Variants in CCDC73 observed in about 807,000 individuals in gnomAD.
CCDC73 encodes coiled-coil domain containing 73, also known as coiled-coil domain-containing protein 73.
Under a neutral mutation model 116.5 loss-of-function variants are expected in CCDC73, and 95 were observed. The observed-to-expected ratio is 0.82, with a 90% CI of 0.69 to 0.97. The LOEUF (loss-of-function observed/expected upper bound fraction) is 0.97, where lower values mean the gene tolerates loss of function less well. CCDC73 is among the 50% of genes least tolerant of loss of function. CCDC73 has a pLI of 0.00. For missense variants in CCDC73, 1,066 were observed against 1,206.8 expected (o/e 0.88, Z 1.73); for synonymous variants, 398 against 401.3 (o/e 0.99, Z 0.10).
At chr11:32,819,801 C>T in the CCDC73 span, among the ~76,000 whole-genome samples, 1 of 152,024 alleles carries the variant, frequency 6.6e-6, no homozygotes, top group Non-Finnish European at 1.5e-5. Flanking sequence ...ATGTTTATGT[C>T]CATTATTTGA....
rs1554968839 is a variant in CCDC73 at position 32,755,547 on chromosome 11, A to ATATATATATG, written c.135+4561_135+4562insCATATATATA. Among the ~76,000 whole-genome samples the ATATATATATG allele has an allele frequency of 1.8e-4, 17 of 93,860 alleles. 3 individuals are homozygous for ATATATATATG. In the East Asian group the frequency reaches 9.4e-3, roughly 52 times the overall value. 61.6% of individuals were successfully genotyped at this position (93,860 alleles called of 152,430 possible). On this transcript the variant is annotated intron_variant, in intron 2 of 17. Transcript: ENST00000335185. ...AGACTCCATCTCAAAATATATATATATATATATATATATATGTACATATAT... is the reference window on the plus strand; with the variant it reads ...AGACTCCATCTCAAAATATATATATATATATATATGTATATATATATATATGTACATATAT...
At chr11:32,694,207 T>G (rs1213851138) in intron 6 of CCDC73, among the ~76,000 whole-genome samples, 1 of 152,176 alleles carries the variant, frequency 6.6e-6, no homozygotes, top group Non-Finnish European at 1.5e-5. Context: ...GATAAGCAAC[T>G]TCAGCAAAGT....
At chr11:32,755,571 ATATCCATATATATGTG>A (rs1850327796) in intron 2 of CCDC73, among the ~76,000 whole-genome samples, 1 of 113,494 alleles carries the variant, frequency 8.8e-6, no homozygotes, top group Non-Finnish European at 1.8e-5. Context: ...ATGTACATAT[ATATCCATATATATGTG>A]TGTATATATA....
rs1477914126 is a variant in CCDC73 at position 32,654,949 on chromosome 11, G to A, written c.669C>T (p.Asp223=). The A allele has an allele frequency of 6.3e-7, 1 of 1,594,112 alleles. No individual in the cohort carries two copies. The highest frequency in any genetic ancestry group is 1.4e-5 in the African/African-American group (1 of 73,520). The change falls in exon 10 of 18, where the codon GAC becomes GAT. Residue 223 remains aspartate, a synonymous_variant. Coordinates refer to ENST00000335185, the MANE Select transcript of CCDC73 (RefSeq NM_001008391.4). ...LKKELKKAAS[D]LIKSKVTCQY... is the part of the protein sequence containing the mutation. ...GACATGTGACTTTGGACTTTATCAA[G>A]TCTGAGGCTGCTTTTTTTAGTTCCT...
At chr11:32,746,120 G>C (rs981539077) in intron 2 of CCDC73, among the ~76,000 whole-genome samples, 5 of 152,152 alleles carry the variant, frequency 3.3e-5, no homozygotes, top group African/African-American at 7.2e-5. Context: ...AGGCAGGCCT[G>C]GTGGTGACAA....
chr11:32,655,087 T>TAATACTACTGG, intron 9 of CCDC73, 115 bp from the exon 10 acceptor site: 2 of 610,706 alleles, frequency 3.3e-6, no homozygotes, highest in South Asian at 2.7e-5. Context: ...TTTGTTATAA[T>TAATACTACTGG]TCCCTTGCAA....
At chr11:32,829,486 A>C in the CCDC73 span, among the ~76,000 whole-genome samples, 2,972 of 152,366 alleles carry the variant, frequency 0.02, 36 homozygotes, top group Non-Finnish European at 0.032. Context: ...TTGTAAGGTC[A>C]TTTCCATTTC....
At chr11:32,715,518 A>ACAC (rs1554966480) in intron 3 of CCDC73, among the ~76,000 whole-genome samples, 2 of 151,802 alleles carry the variant, frequency 1.3e-5, no homozygotes, top group Non-Finnish European at 2.9e-5. Context: ...ACACACACAC[A>ACAC]CACCACCAGA....
intron 2 of CCDC73, among the ~76,000 whole-genome samples, chr11:32,747,223 T>C (rs1195665366): frequency 2.0e-5 from 3 of 152,154 alleles, no homozygotes; most frequent in African/African-American, 7.2e-5. Flanking sequence ...GGAGGTCCAC[T>C]CCAGACCCTG....
Position 32,633,477 on chromosome 11 carries a change from T to C in CCDC73, c.1185+2219A>G, listed in dbSNP as rs530369942. ...CCCACAACACCCCAAATCAGATTCA[T>C]TAGGAGGACTCATAGGACTCAATAT... On this transcript the variant is annotated intron_variant, in intron 14 of 17. Transcript: ENST00000335185. 2.0e-4 allele frequency among the ~76,000 whole-genome samples: 31 copies of C among 152,218 alleles called. No homozygotes were observed. In the East Asian group the frequency reaches 3.7e-3, roughly 18 times the overall value.
At chr11:32,607,462 TATTAG>T (rs1490551819) in intron 17 of CCDC73, among the ~76,000 whole-genome samples, 1 of 152,212 alleles carries the variant, frequency 6.6e-6, no homozygotes, top group Non-Finnish European at 1.5e-5. Flanking sequence ...AGAACTCCCC[TATTAG>T]ATTAATTATA....
intron 7 of CCDC73, chr11:32,680,467 C>A (rs937820827): frequency 6.6e-6 from 1 of 152,016 alleles, no homozygotes; most frequent in Non-Finnish European, 1.5e-5. Flanking sequence ...CACATGTACA[C>A]CTCATTTTAA....
intron 2 of CCDC73, among the ~76,000 whole-genome samples, chr11:32,738,651 T>G (rs1407191588): frequency 1.3e-5 from 2 of 152,154 alleles, no homozygotes; most frequent in Non-Finnish European, 2.9e-5. Context: ...TCTGTGAGTT[T>G]TCTCTTCACT....
At chr11:32,775,315 GCTCT>G (rs1321978799) in intron 1 of CCDC73, among the ~76,000 whole-genome samples, 6 of 152,102 alleles carry the variant, frequency 3.9e-5, no homozygotes, top group African/African-American at 1.4e-4. Context: ...TGTCTGGAAT[GCTCT>G]ATATCCATAT....
Position 32,616,034 on chromosome 11 carries a change from C to G in CCDC73, c.1281G>C (p.Arg427Ser), listed in dbSNP as rs974928871. The G allele has an allele frequency of 3.7e-6, 6 of 1,602,166 alleles. No homozygotes were observed. In the African/African-American group the frequency reaches 5.4e-5, roughly 14 times the overall value. Residue 427 changes from arginine (R) to serine (S), a missense_variant, in exon 15 of 18, where the codon AGG becomes AGC. By Grantham distance (110) the Arg-to-Ser change is moderately radical. Coordinates refer to ENST00000335185, the MANE Select transcript of CCDC73 (RefSeq NM_001008391.4). ...IQKYNTEQEI[R>S]EENMENFCSD... The stretch of plus-strand genomic sequence containing the variant: ...AACAAAAATTCTCCATATTTTCTTC[C>G]CTTATTTCTTGCTCAGTATTATATT...
At chr11:32,679,040 T>C (rs1856119905) in intron 7 of CCDC73, among the ~76,000 whole-genome samples, 1 of 152,182 alleles carries the variant, frequency 6.6e-6, no homozygotes, top group Admixed American at 6.5e-5. Flanking sequence ...TTAAACATGA[T>C]ATATTATTGG....
chr11:32,764,370 C>T lies in CCDC73; in HGVS notation c.-15-4112G>A, dbSNP rs143726908. Among the ~76,000 whole-genome samples the T allele has an allele frequency of 6.9e-3, 1,048 of 152,224 alleles. 14 individuals are homozygous for T. Among genetic ancestry groups the T allele is most frequent in the African/African-American group, 0.024 (1,003 of 41,534 alleles). Reference sequence around the variant, plus strand: ...GTTAAGGGCAGCCAGAGTAAAACGTCGGGTTACCCACAAAGGGAAGCCCAT... The same window carrying T: ...GTTAAGGGCAGCCAGAGTAAAACGTTGGGTTACCCACAAAGGGAAGCCCAT... On this transcript the variant is annotated intron_variant, in intron 1 of 17. Coordinates refer to ENST00000335185, the MANE Select transcript of CCDC73 (RefSeq NM_001008391.4).
chr11:32,740,610 A>C (rs1468592701), intron 2 of CCDC73, among the ~76,000 whole-genome samples: 1 of 151,400 alleles, frequency 6.6e-6, no homozygotes, highest in East Asian at 1.9e-4. Flanking sequence ...ACAGTTTGTC[A>C]ATTTTATTTT....
intron 14 of CCDC73, among the ~76,000 whole-genome samples, chr11:32,628,356 A>G (rs1375116145): frequency 2.0e-5 from 3 of 152,350 alleles, no homozygotes; most frequent in Non-Finnish European, 4.4e-5. Context: ...GTAATTTGTG[A>G]GGCAATGTAC....
Sources: gnomAD v4.1 joint callset for allele counts (sites outside exome capture counted in the v4.1 genomes callset) on GRCh38, gnomAD v4.1.1 for gene constraint, MANE v1.5 for transcripts, NCBI Gene and HGNC (gene_info 2026-07-23, HGNC 2026-07-21) for gene names.